Variants in PTPRD observed in about 807,000 individuals in gnomAD.
PTPRD encodes the protein receptor-type tyrosine-protein phosphatase delta.
A neutral mutation model predicts 214.5 loss-of-function variants in PTPRD; 34 were observed. The ratio of observed to expected loss-of-function variants is 0.16; its 90% CI spans 0.12 to 0.21. The LOEUF (loss-of-function observed/expected upper bound fraction) is 0.21. Among genes scored for constraint, PTPRD ranks in the 10% least tolerant of loss-of-function variants. The pLI is 1.00. For missense variants in PTPRD, 2,545 were observed against 2,398.7 expected (o/e 1.06, Z -1.27); for synonymous variants, 1,128 against 845.7 (o/e 1.33, Z -5.79).
At chr9:10,110,363 C>T (rs1184006989) in intron 3 of PTPRD, among the ~76,000 whole-genome samples, 3 of 152,150 alleles carry the variant, frequency 2.0e-5, no homozygotes, top group Non-Finnish European at 2.9e-5. Context: ...TCGGTCCTTT[C>T]TTCAACATCG....
chr9:8,561,815 G>C (rs1593846428), intron 14 of PTPRD, among the ~76,000 whole-genome samples: 2 of 150,742 alleles, frequency 1.3e-5, no homozygotes, highest in Non-Finnish European at 2.9e-5. Flanking sequence ...GGTAACGGTT[G>C]AGATGTCCAA....
chr9:10,287,269 A>T (rs1033557908), intron 3 of PTPRD, among the ~76,000 whole-genome samples: 3 of 152,202 alleles, frequency 2.0e-5, no homozygotes, highest in Admixed American at 2.0e-4. Flanking sequence ...AGATTTCTCA[A>T]GATCTAGGCA....
At chr9:8,506,984 T>C (rs1195962744) in intron 22 of PTPRD, among the ~76,000 whole-genome samples, 5 of 152,224 alleles carry the variant, frequency 3.3e-5, no homozygotes, top group South Asian at 2.1e-4. Context: ...TCAAGTCTCA[T>C]TGAGTATTTA....
At chr9:9,167,114 C>G (rs1201947081) in intron 10 of PTPRD, among the ~76,000 whole-genome samples, 3 of 152,032 alleles carry the variant, frequency 2.0e-5, no homozygotes, top group Admixed American at 6.6e-5. Context: ...ACCTGATATT[C>G]AAAACCAGGG....
intron 11 of PTPRD, among the ~76,000 whole-genome samples, chr9:8,790,434 T>C (rs1044960284): frequency 6.6e-6 from 1 of 152,144 alleles, no homozygotes; most frequent in African/African-American, 2.4e-5. Context: ...TTTTGTGTTT[T>C]TGAGATGGAG....
intron 7 of PTPRD, among the ~76,000 whole-genome samples, chr9:9,648,346 A>C (rs1248750162): frequency 1.3e-5 from 2 of 152,162 alleles, no homozygotes; most frequent in East Asian, 3.8e-4. Context: ...CCAGAATCCA[A>C]CTCTAGGGTA....
chr9:8,705,359 A>G (rs1259923115), intron 12 of PTPRD, among the ~76,000 whole-genome samples: 2 of 152,192 alleles, frequency 1.3e-5, no homozygotes, highest in African/African-American at 4.8e-5. Context: ...AGCTGGGATT[A>G]CAGGCACCTG....
chr9:9,013,253 G>C (rs1344845048), intron 11 of PTPRD, among the ~76,000 whole-genome samples: 1 of 151,760 alleles, frequency 6.6e-6, no homozygotes, highest in Admixed American at 6.6e-5. Flanking sequence ...ATTAATATAC[G>C]AGGCCACCGA....
At chr9:8,413,713 A>G (rs949359169) in intron 35 of PTPRD, among the ~76,000 whole-genome samples, 15 of 152,198 alleles carry the variant, frequency 9.9e-5, no homozygotes, top group African/African-American at 3.1e-4. Context: ...TGTCTTAGAA[A>G]GTATTTACAA....
intron 12 of PTPRD, among the ~76,000 whole-genome samples, chr9:8,699,552 T>C (rs1430497499): frequency 2.6e-5 from 4 of 152,176 alleles, no homozygotes; most frequent in Admixed American, 2.6e-4. Context: ...TTGAAAATAA[T>C]TTTATGAAAA....
At chr9:10,102,414 A>G (rs1339837183) in intron 3 of PTPRD, among the ~76,000 whole-genome samples, 1 of 125,670 alleles carries the variant, frequency 8.0e-6, no homozygotes, top group Non-Finnish European at 1.7e-5. Context: ...ATATAAAAAA[A>G]CCCACTAAAC....
At chr9:9,122,685 A>G (rs1301607063) in intron 10 of PTPRD, among the ~76,000 whole-genome samples, 1 of 152,192 alleles carries the variant, frequency 6.6e-6, no homozygotes, top group East Asian at 1.9e-4. Context: ...AAGTCCAGAT[A>G]ACCTTGGATT....
intron 4 of PTPRD, among the ~76,000 whole-genome samples, chr9:9,997,729 A>G (rs946613283): frequency 2.0e-5 from 3 of 152,160 alleles, no homozygotes; most frequent in Non-Finnish European, 4.4e-5. Context: ...CAGCTTGAAA[A>G]GCCAGGCTGG....
chr9:9,464,932 G>A (rs550880887), intron 8 of PTPRD, among the ~76,000 whole-genome samples: 2 of 152,276 alleles, frequency 1.3e-5, no homozygotes, highest in East Asian at 1.9e-4. Context: ...CATTGTGCAT[G>A]AAACCTCATG....
intron 7 of PTPRD, among the ~76,000 whole-genome samples, chr9:9,646,302 G>GGGGTGT (rs1326852084): frequency 7.0e-6 from 1 of 142,296 alleles, no homozygotes; most frequent in African/African-American, 2.7e-5. Context: ...TTTTGGGAGG[G>GGGGTGT]GTGTGTGTGT....
chr9:9,407,203 G>C (rs1028987362), intron 8 of PTPRD, among the ~76,000 whole-genome samples: 1 of 151,552 alleles, frequency 6.6e-6, no homozygotes, highest in Non-Finnish European at 1.5e-5. Flanking sequence ...GTCTGTTTTT[G>C]GTGTCTGGCT....
At chr9:10,211,474 G>A (rs972150849) in intron 3 of PTPRD, among the ~76,000 whole-genome samples, 3 of 152,122 alleles carry the variant, frequency 2.0e-5, no homozygotes, top group Non-Finnish European at 2.9e-5. Context: ...ATGAAGCTGT[G>A]AGGCATAACA....
At chr9:9,104,123 G>T (rs572969606) in intron 10 of PTPRD, among the ~76,000 whole-genome samples, 1 of 152,228 alleles carries the variant, frequency 6.6e-6, no homozygotes, top group South Asian at 2.1e-4. Context: ...TTCTGTATAG[G>T]ACTAAATAGT....
At chr9:10,410,581 T>C (rs2098423950) in intron 2 of PTPRD, among the ~76,000 whole-genome samples, 1 of 151,658 alleles carries the variant, frequency 6.6e-6, no homozygotes. Flanking sequence ...CCATTTCTTA[T>C]GTATTCATAG....
Sources: allele counts gnomAD v4.1 joint callset (sites outside exome capture counted in the v4.1 genomes callset), GRCh38; gene constraint gnomAD v4.1.1; transcripts MANE v1.5; gene names NCBI Gene and HGNC (gene_info 2026-07-23, HGNC 2026-07-21).